SYTL5: variants seen among roughly 807,000 people sequenced by gnomAD.
SYTL5 encodes the protein synaptotagmin like 5.
SYTL5 carries 34 observed loss-of-function variants against 55.9 expected under a neutral mutation model. That is an observed-to-expected ratio of 0.61 (90% confidence interval 0.46 to 0.81). The LOEUF (loss-of-function observed/expected upper bound fraction) is 0.81, where lower values mean the gene tolerates loss of function less well. SYTL5 is among the 30% of genes least tolerant of loss of function. The pLI, the probability that SYTL5 is intolerant of heterozygous loss-of-function variation, is 0.00. For missense variants in SYTL5, 637 were observed against 546.7 expected, an observed-to-expected ratio of 1.17 and a Z score of -1.65; for synonymous variants, 221 against 188.7, an observed-to-expected ratio of 1.17 and a Z score of -1.40.
chrX:38,039,482 C>T (rs1196596050), intron 2 of SYTL5, among the ~76,000 whole-genome samples: 3 of 111,884 alleles, frequency 2.7e-5, no homozygotes, highest in Non-Finnish European at 3.8e-5. Flanking sequence ...CTAACATGTA[C>T]GTGGGTCATA....
intron 1 of SYTL5, among the ~76,000 whole-genome samples, chrX:38,026,392 C>T (rs1272093166): frequency 8.9e-6 from 1 of 111,772 alleles, no homozygotes; most frequent in African/African-American, 3.3e-5. Context: ...TACTTCTGAT[C>T]TCCTTAGCCA....
At chrX:38,121,044 G>A (rs191261760) in intron 14 of SYTL5, among the ~76,000 whole-genome samples, 2 of 111,732 alleles carry the variant, frequency 1.8e-5, no homozygotes, top group East Asian at 2.8e-4. Flanking sequence ...GAGGCCTCAG[G>A]AAGCTTACAA....
the SYTL5 span, among the ~76,000 whole-genome samples, chrX:37,972,121 CT>C: frequency 9.1e-6 from 1 of 110,470 alleles, no homozygotes; most frequent in Non-Finnish European, 1.9e-5. Flanking sequence ...CCCCCAGACA[CT>C]CCCATGAGGC....
intron 13 of SYTL5, among the ~76,000 whole-genome samples, chrX:38,118,590 G>T (rs773632086): frequency 9.0e-6 from 1 of 111,514 alleles, no homozygotes; most frequent in Non-Finnish European, 1.9e-5. Context: ...TAGAGGTTCT[G>T]GGTGCACGTG....
chrX:37,919,333 A>G, the SYTL5 span, among the ~76,000 whole-genome samples: 1 of 111,974 alleles, frequency 8.9e-6, no homozygotes, highest in East Asian at 2.8e-4. Flanking sequence ...GTTGGACACT[A>G]TAAACAAGGA....
chrX:38,058,856 C>T (rs756972942), intron 3 of SYTL5, among the ~76,000 whole-genome samples: 1 of 111,088 alleles, frequency 9.0e-6, no homozygotes, highest in Admixed American at 9.6e-5. Flanking sequence ...TTGAAAACTT[C>T]TCAGGGAATA....
chrX:38,096,968 G>T (rs1421754771), intron 9 of SYTL5, among the ~76,000 whole-genome samples: 5 of 111,255 alleles, frequency 4.5e-5, no homozygotes, highest in Non-Finnish European at 9.5e-5. Context: ...AACCTTTAAA[G>T]AATTACTAAT....
chrX:38,113,279 A>T (rs777292231), intron 13 of SYTL5, among the ~76,000 whole-genome samples: 10 of 112,472 alleles, frequency 8.9e-5, no homozygotes, highest in African/African-American at 3.2e-4. Context: ...CCCAGAGTGT[A>T]CTATTATAAA....
chrX:38,066,297 A>G (rs1936099952), intron 3 of SYTL5, among the ~76,000 whole-genome samples: 1 of 111,435 alleles, frequency 9.0e-6, no homozygotes, highest in Non-Finnish European at 1.9e-5. Flanking sequence ...AAGATTACCT[A>G]TTTTCCCCTG....
At chrX:38,112,478 A>AACTTCCTT (rs1325259210) in intron 13 of SYTL5, among the ~76,000 whole-genome samples, 1 of 112,028 alleles carries the variant, frequency 8.9e-6, no homozygotes, top group Non-Finnish European at 1.9e-5. Context: ...TCTCTGAGAG[A>AACTTCCTT]ACTTCCTTAA....
rs369949155 is a variant in SYTL5, at chrX:38,092,325, G to A, written c.832-1970G>A. 4.5e-5 allele frequency among the ~76,000 whole-genome samples: 5 copies of A among 111,736 alleles called. No homozygotes were observed. The East Asian group carries it at 1.4e-3, about 31-fold the overall frequency. ...ACATCCCACGATAGGCTGTCTGCAA[G>A]CTGCGGAAAGAGAGAAGACAGTAGG... On this transcript the variant is annotated intron_variant, in intron 7 of 16. Coordinates refer to ENST00000297875, the MANE Select transcript of SYTL5 (RefSeq NM_138780.3).
chrX:37,979,957 CT>C, the SYTL5 span, among the ~76,000 whole-genome samples: 1 of 109,956 alleles, frequency 9.1e-6, no homozygotes, highest in East Asian at 2.9e-4. Flanking sequence ...GCTATCCCTC[CT>C]CCCCCTACCC....
chrX:37,939,735 C>G, the SYTL5 span: 2 of 112,100 alleles, frequency 1.8e-5, no homozygotes, highest in African/African-American at 6.5e-5. Flanking sequence ...ATTCTATTTA[C>G]AATGGGTTAC....
chrX:38,038,056 C>T (rs181741379), intron 2 of SYTL5, among the ~76,000 whole-genome samples: 169 of 111,501 alleles, frequency 1.5e-3, no homozygotes, highest in African/African-American at 5.3e-3. Flanking sequence ...CAGCTTTTTA[C>T]TCTATTCAGA....
intron 3 of SYTL5, among the ~76,000 whole-genome samples, chrX:38,062,028 C>T (rs948109135): frequency 1.4e-4 from 15 of 109,906 alleles, no homozygotes; most frequent in South Asian, 4.0e-4. Context: ...AGTGCAGTGG[C>T]GCAATCTCGA....
chrX:38,067,140 T>C (rs1215650311), intron 3 of SYTL5, among the ~76,000 whole-genome samples: 1 of 111,911 alleles, frequency 8.9e-6, no homozygotes, highest in African/African-American at 3.2e-5. Flanking sequence ...AAGTGCATTA[T>C]CTGAGTTGAA....
the SYTL5 span, among the ~76,000 whole-genome samples, chrX:37,926,089 G>A: frequency 9.0e-6 from 1 of 111,223 alleles, no homozygotes; most frequent in Non-Finnish European, 1.9e-5. Flanking sequence ...TATCTTTTTC[G>A]TATAATGACT....
At chrX:37,975,407 A>G in the SYTL5 span, among the ~76,000 whole-genome samples, 1 of 112,198 alleles carries the variant, frequency 8.9e-6, no homozygotes, top group African/African-American at 3.2e-5. Context: ...GAAATATTTG[A>G]AAGCATTGAC....
At position 38,079,147 on chromosome X, in the gene SYTL5, C is replaced by T. The variant is rs570207734; in HGVS notation, c.689+2446C>T. 9.8e-5 allele frequency among the ~76,000 whole-genome samples: 11 copies of T among 111,867 alleles called. 1 individual carries two copies. In the South Asian group the frequency reaches 1.5e-3, roughly 15 times the overall value. On this transcript the variant is annotated intron_variant, in intron 6 of 16. Transcript: ENST00000297875. ...TCTTAACTTCCATCATCTGAAGAGA[C>T]TGTAAGATCCCAGTCTCTTTGGTCT...
Sources: allele counts gnomAD v4.1 joint callset (sites outside exome capture counted in the v4.1 genomes callset), GRCh38; gene constraint gnomAD v4.1.1; transcripts MANE v1.5; gene names NCBI Gene and HGNC (gene_info 2026-07-23, HGNC 2026-07-21).